Variants in ZNF609 observed in about 807,000 individuals in gnomAD.
ZNF609 encodes the protein zinc finger protein 609.
Under a neutral mutation model 109.5 loss-of-function variants are expected in ZNF609, and 11 were observed. The ratio of observed to expected loss-of-function variants is 0.10; its 90% CI spans 0.06 to 0.17. The LOEUF (loss-of-function observed/expected upper bound fraction) is 0.17, where lower values mean the gene tolerates loss of function less well. Ranked by LOEUF, ZNF609 falls within the 10% of genes least tolerant of loss-of-function variation. The pLI is 1.00. For synonymous variants in ZNF609, 646 were observed against 662.0 expected (o/e 0.98, Z 0.37); for missense variants, 1,559 against 1,772.4 (o/e 0.88, Z 2.16).
In ZNF609 at chr15:64,674,081, C is replaced by T. The variant is rs180760634; in HGVS notation, c.1227C>T (p.Gly409=). ...SKTRAGANSK[G]RRGSQNSSEH... ...CCCGGGCAGGAGCCAATAGCAAAGG[C>T]CGTCGGGGCAGCCAGAATTCTTCAG... Residue 409 remains glycine, a synonymous_variant, in exon 5 of 10, where the codon GGC becomes GGT. Coordinates refer to ENST00000326648, the MANE Select transcript of ZNF609 (RefSeq NM_015042.2). 27 of 1,614,186 alleles carry T rather than the reference C, an allele frequency of 1.7e-5. No homozygotes were observed. The East Asian group carries it at 5.6e-4, about 33-fold the overall frequency.
At chr15:64,618,399 C>T (rs538793840) in intron 2 of ZNF609, among the ~76,000 whole-genome samples, 1 of 152,216 alleles carries the variant, frequency 6.6e-6, no homozygotes, top group African/African-American at 2.4e-5. Context: ...ACATCTGAAG[C>T]CCCAGTGGGT....
At chr15:64,478,585 C>A (rs941048238) in intron 1 of ZNF609, among the ~76,000 whole-genome samples, 8 of 152,068 alleles carry the variant, frequency 5.3e-5, no homozygotes, top group African/African-American at 1.9e-4. Context: ...ACCATGTTGG[C>A]CAGGCTGGAC....
chr15:64,495,830 T>C (rs1403759272), intron 1 of ZNF609, among the ~76,000 whole-genome samples: 1 of 151,804 alleles, frequency 6.6e-6, no homozygotes, highest in Admixed American at 6.6e-5. Context: ...ATCTTTTTTT[T>C]TTTTTTGAGA....
In ZNF609 at chr15:64,605,820, G is replaced by A. The variant is rs528762374; in HGVS notation, c.748-17007G>A. 3.5e-5 allele frequency among the ~76,000 whole-genome samples: 5 copies of A among 140,986 alleles called. No homozygotes were observed. The East Asian group carries it at 6.4e-4, about 18-fold the overall frequency. 92.5% of individuals were successfully genotyped at this position (140,986 alleles called of 152,430 possible). A position where few individuals can be genotyped will look rare whatever the true frequency, so the allele number is the denominator to read the frequency against. ...GCGATCTCGGCTCACTGCAACCTCCGACTCCCAGGTTCAAGCGATTCTCCT... is the reference window on the plus strand; with the variant it reads ...GCGATCTCGGCTCACTGCAACCTCCAACTCCCAGGTTCAAGCGATTCTCCT... On this transcript the variant is annotated intron_variant, in intron 2 of 9. Coordinates refer to ENST00000326648, the MANE Select transcript of ZNF609 (RefSeq NM_015042.2).
chr15:64,529,761 A>T (rs549574498), intron 2 of ZNF609: 5 of 531,356 alleles, frequency 9.4e-6, no homozygotes, highest in African/African-American at 1.9e-5. Flanking sequence ...ACGGAGTTTC[A>T]CTCTTGTTAC....
Position 64,680,877 on chromosome 15 carries a change from C to T in ZNF609, c.4162+15C>T, listed in dbSNP as rs1896875724. On this transcript the variant is annotated intron_variant, in intron 8 of 9. Transcript: ENST00000326648. Reference sequence around the variant, plus strand: ...CTATGCAGCAGGTAAGCCTGTTTTCCCTACCACCTGTTGTTTTGTCTTGTT... The same window carrying T: ...CTATGCAGCAGGTAAGCCTGTTTTCTCTACCACCTGTTGTTTTGTCTTGTT... 7 of 1,605,390 alleles carry T rather than the reference C, an allele frequency of 4.4e-6. No homozygotes were observed. Among genetic ancestry groups the T allele is most frequent in the Non-Finnish European group, 5.9e-6 (7 of 1,179,702 alleles).
intron 1 of ZNF609, among the ~76,000 whole-genome samples, chr15:64,486,449 G>A (rs533161453): frequency 1.4e-4 from 21 of 151,546 alleles, no homozygotes; most frequent in African/African-American, 4.4e-4. Context: ...ACTTGAACCC[G>A]GGAGGTGGAG....
At chr15:64,459,956 G>T (rs1462999955), upstream of ZNF609, among the ~76,000 whole-genome samples, 2 of 152,158 alleles carry the variant, frequency 1.3e-5, no homozygotes, top group Non-Finnish European at 2.9e-5. Context: ...AAGGCAACAA[G>T]ATTTAGTGAT....
At chr15:64,557,356 T>C (rs1894606638) in intron 2 of ZNF609, among the ~76,000 whole-genome samples, 1 of 152,166 alleles carries the variant, frequency 6.6e-6, no homozygotes. Context: ...CTACTCCTTC[T>C]TCTGCACCCA....
Position 64,674,871 on chromosome 15 carries a change from A to C in ZNF609, c.2017A>C (p.Thr673Pro). ...CCCACAGCAAATCTACACCTTCCAG[A>C]CAGCCACCTTCACAGCAGCGAGCCC... Reference protein sequence around the residue: ...IPPQQIYTFQTATFTAASPGS... With the variant: ...IPPQQIYTFQPATFTAASPGS... The change falls in exon 5 of 10, where the codon ACA becomes CCA. Residue 673 changes from threonine (T) to proline (P), a missense_variant. Thr to Pro is a conservative substitution (Grantham distance 38). Coordinates refer to ENST00000326648, the MANE Select transcript of ZNF609 (RefSeq NM_015042.2). The C allele has an allele frequency of 1.9e-6, 3 of 1,614,134 alleles. No homozygotes were observed. The highest frequency in any genetic ancestry group is 2.5e-6 in the Non-Finnish European group (3 of 1,180,034).
At chr15:64,478,829 T>C (rs973708161) in intron 1 of ZNF609, among the ~76,000 whole-genome samples, 1 of 152,220 alleles carries the variant, frequency 6.6e-6, no homozygotes, top group African/African-American at 2.4e-5. Context: ...CTTGAAGTCA[T>C]ACATTCTCCC....
intron 2 of ZNF609, among the ~76,000 whole-genome samples, chr15:64,518,414 G>C (rs1751975793): frequency 6.6e-6 from 1 of 152,218 alleles, no homozygotes; most frequent in African/African-American, 2.4e-5. Flanking sequence ...ATGACTGGAG[G>C]AGGAGGAATA....
At chr15:64,588,838 A>G (rs577941904) in intron 2 of ZNF609, among the ~76,000 whole-genome samples, 26 of 152,078 alleles carry the variant, frequency 1.7e-4, no homozygotes, top group Non-Finnish European at 2.6e-4. Context: ...GGGTTTCACC[A>G]TATTGGTCAG....
chr15:64,653,463 G>A (rs975079618), intron 3 of ZNF609, among the ~76,000 whole-genome samples: 3 of 152,168 alleles, frequency 2.0e-5, no homozygotes, highest in Non-Finnish European at 4.4e-5. Context: ...TGGGCAACAC[G>A]GTGAAACCCC....
intron 2 of ZNF609, among the ~76,000 whole-genome samples, chr15:64,606,238 CG>C (rs921910423): frequency 2.8e-4 from 42 of 150,782 alleles, no homozygotes; most frequent in Admixed American, 2.5e-3. Context: ...CTCAGCCTTA[CG>C]GGTCTGCAAG....
chr15:64,646,939 CAAAAAA>C (rs10628744), intron 3 of ZNF609, among the ~76,000 whole-genome samples: 9 of 59,780 alleles, frequency 1.5e-4, no homozygotes, highest in African/African-American at 5.6e-4. Context: ...GACTCTGTCT[CAAAAAA>C]AAAAAAAAAA....
intron 3 of ZNF609, among the ~76,000 whole-genome samples, chr15:64,633,427 G>A (rs994854212): frequency 4.6e-4 from 70 of 152,088 alleles, no homozygotes; most frequent in African/African-American, 1.5e-3. Context: ...GACTATAGGC[G>A]TGAACCACTA....
chr15:64,668,750 T>C (rs1896685256), intron 3 of ZNF609, among the ~76,000 whole-genome samples: 3 of 151,994 alleles, frequency 2.0e-5, no homozygotes, highest in African/African-American at 4.8e-5. Context: ...GGTCGGGAGA[T>C]TGAGACCAGC....
intron 3 of ZNF609, among the ~76,000 whole-genome samples, chr15:64,660,237 A>G (rs1233389779): frequency 1.3e-5 from 2 of 152,182 alleles, no homozygotes; most frequent in Non-Finnish European, 2.9e-5. Flanking sequence ...AATGCCTAAT[A>G]TTAATAAAAG....
Sources: gnomAD v4.1 joint callset for allele counts (sites outside exome capture counted in the v4.1 genomes callset) on GRCh38, gnomAD v4.1.1 for gene constraint, MANE v1.5 for transcripts, NCBI Gene and HGNC (gene_info 2026-07-23, HGNC 2026-07-21) for gene names.